Variants in NDRG1 observed in about 807,000 individuals in gnomAD.
NDRG1 encodes N-myc downstream regulated 1.
NDRG1 carries 32 observed loss-of-function variants against 56.9 expected under a neutral mutation model. That is an observed-to-expected ratio of 0.56 (90% confidence interval 0.42 to 0.76). The LOEUF is 0.76. Among genes scored for constraint, NDRG1 ranks in the 30% least tolerant of loss-of-function variants. The probability of loss-of-function intolerance (pLI) is 0.00; values close to 1 mark genes in which losing one functional copy is unlikely to be tolerated. For missense variants in NDRG1, 507 were observed against 545.7 expected (o/e 0.93, Z 0.71); for synonymous variants, 211 against 204.1 (o/e 1.03, Z -0.29).
intron 1 of NDRG1, among the ~76,000 whole-genome samples, chr8:133,290,177 C>T (rs1858352775): frequency 6.6e-6 from 1 of 152,188 alleles, no homozygotes; most frequent in African/African-American, 2.4e-5. Flanking sequence ...CTTGAGCAAA[C>T]TCTCCTGGGC....
intron 1 of NDRG1, among the ~76,000 whole-genome samples, chr8:133,291,944 A>G (rs1858453040): frequency 6.6e-6 from 1 of 152,178 alleles, no homozygotes; most frequent in Non-Finnish European, 1.5e-5. Flanking sequence ...TGTCCCAAAC[A>G]CAACAGCAGG....
chr8:133,254,550 G>C lies in NDRG1; in HGVS notation c.583C>G (p.Leu195Val). ...ACCACGCAACTCACCTTCCCAAAAAGGTGGGACACCACCATGTCCGGCAGA... is the reference window on the plus strand; with the variant it reads ...ACCACGCAACTCACCTTCCCAAAAACGTGGGACACCACCATGTCCGGCAGA... ...QALPDMVVSH[L>V]FGKEEMQSNV... The change falls in exon 9 of 16, where the codon CTT becomes GTT. Residue 195 changes from leucine (L) to valine (V), a missense_variant. Leu to Val is a conservative substitution (Grantham distance 32, BLOSUM62 1). Coordinates refer to ENST00000323851, the MANE Select transcript of NDRG1 (RefSeq NM_006096.4). 6.2e-7 allele frequency: 1 copy of C among 1,614,084 alleles called. No homozygotes were observed. Among genetic ancestry groups the C allele is most frequent in the Non-Finnish European group, 8.5e-7 (1 of 1,179,968 alleles).
chr8:133,239,071 C>T lies in NDRG1; in HGVS notation c.992G>A (p.Gly331Asp). 1.9e-6 allele frequency: 3 copies of T among 1,583,604 alleles called. No individual in the cohort carries two copies. Among genetic ancestry groups the T allele is most frequent in the Non-Finnish European group, 1.7e-6 (2 of 1,165,762 alleles). Residue 331 changes from glycine (G) to aspartate (D), a missense_variant, in exon 16 of 16, where the codon GGT becomes GAT. Physicochemically the swap from Gly to Asp is moderately conservative, Grantham distance 94 (BLOSUM62 -1). Coordinates refer to ENST00000323851, the MANE Select transcript of NDRG1 (RefSeq NM_006096.4). The stretch of plus-strand genomic sequence containing the variant: ...GCCATCCAGAGAAGTGACGCTGGAA[C>T]CAGAGGCTGTGCGGGACCGCATCAG... ...TRLMRSRTAS[G>D]SSVTSLDGTR...
chr8:133,271,598 CATA>C (rs2130764352), intron 3 of NDRG1, among the ~76,000 whole-genome samples: 1 of 151,896 alleles, frequency 6.6e-6, no homozygotes, highest in South Asian at 2.1e-4. Context: ...GCATCTGCAA[CATA>C]ATGAGACCTC....
chr8:133,284,042 G>T (rs1857960546), intron 2 of NDRG1, among the ~76,000 whole-genome samples: 1 of 152,252 alleles, frequency 6.6e-6, no homozygotes, highest in Non-Finnish European at 1.5e-5. Flanking sequence ...GGAAGCAGTG[G>T]ACAAATGTGT....
At chr8:133,244,667 G>A (rs1855570368) in intron 13 of NDRG1, 1 of 567,490 alleles carries the variant, frequency 1.8e-6, no homozygotes, top group African/African-American at 1.9e-5. Flanking sequence ...CAAGAACCAT[G>A]GAAGGTACAG....
Position 133,285,341 on chromosome 8 carries a change from A to T in NDRG1, c.-18-1012T>A, listed in dbSNP as rs554733569. On this transcript the variant is annotated intron_variant, in intron 1 of 15. Transcript: ENST00000323851. Reference sequence around the variant, plus strand: ...CAGCAGCAGAGGACCGGCGGAGAAGAAGTAAGTGACAAGAGGGAAGAGCCC... The same window carrying T: ...CAGCAGCAGAGGACCGGCGGAGAAGTAGTAAGTGACAAGAGGGAAGAGCCC... 3.3e-5 allele frequency among the ~76,000 whole-genome samples: 5 copies of T among 152,258 alleles called. No homozygotes were observed. The South Asian group carries it at 6.2e-4, about 19-fold the overall frequency.
rs138992866 is a variant in NDRG1, at chr8:133,261,455, T to C, written c.326+592A>G. ...CTCAGCTGTGCAACCTTCAGCAAGG[T>C]AGTTAATGCCTCCATGCCTCAATAT... is the stretch of plus-strand genomic sequence containing the variant. On this transcript the variant is annotated intron_variant, in intron 5 of 15. Transcript: ENST00000323851. Among the ~76,000 whole-genome samples the C allele has an allele frequency of 2.6e-3, 391 of 152,210 alleles. 3 individuals are homozygous for C. The highest frequency in any genetic ancestry group is 9.2e-3 in the African/African-American group (383 of 41,554).
intron 2 of NDRG1, among the ~76,000 whole-genome samples, chr8:133,280,578 C>A (rs776215950): frequency 2.7e-4 from 41 of 152,166 alleles, no homozygotes; most frequent in African/African-American, 9.6e-4. Context: ...TGCCCGCCAC[C>A]ACGCCCAGTT....
rs1237334932 is a variant in NDRG1 at position 133,250,303 on chromosome 8, C to G, written c.698+137G>C. 1.2e-5 allele frequency: 10 copies of G among 827,300 alleles called. No individual in the cohort carries two copies. In the Admixed American group the frequency reaches 1.8e-4, roughly 15 times the overall value. The allele number at this position is 827,300 out of a possible 1,614,324, so 51.2% of individuals were successfully genotyped here. On this transcript the variant is annotated intron_variant, in intron 10 of 15. Coordinates refer to ENST00000323851, the MANE Select transcript of NDRG1 (RefSeq NM_006096.4). ...GGTGTCCTTCCTGGGGACACCTGTC[C>G]TATTAATCTATTTGCTCAAACTCAG...
intron 12 of NDRG1, among the ~76,000 whole-genome samples, chr8:133,247,013 G>T (rs745567643): frequency 2.0e-5 from 3 of 152,206 alleles, no homozygotes; most frequent in African/African-American, 7.2e-5. Flanking sequence ...ACCAGCAGCT[G>T]CCAGAGATTC....
intron 1 of NDRG1, 111 bp from the exon 2 acceptor site, chr8:133,284,440 C>T: frequency 1.1e-6 from 1 of 901,916 alleles, no homozygotes; most frequent in Non-Finnish European, 1.8e-6. Context: ...TGCCCAGCAG[C>T]TTCACCTCCC....
chr8:133,262,314 G>GT (rs1856701616), intron 4 of NDRG1, 147 bp from the exon 5 acceptor site: 1 of 1,061,830 alleles, frequency 9.4e-7, no homozygotes, highest in Non-Finnish European at 1.4e-6. Flanking sequence ...GGCGTTTTTT[G>GT]TTTTTTGGTT....
At chr8:133,241,983 C>G in intron 15 of NDRG1, 40 bp downstream of exon 15, 1 of 1,612,642 alleles carries the variant, frequency 6.2e-7, no homozygotes, top group Non-Finnish European at 8.5e-7. Flanking sequence ...AATTCCGACA[C>G]ATGCCCCGAC....
chr8:133,246,525 T>C, intron 13 of NDRG1, 91 bp downstream of exon 13: 1 of 1,293,494 alleles, frequency 7.7e-7, no homozygotes, highest in Non-Finnish European at 1.1e-6. Context: ...ATCGTGTGCC[T>C]TGCCTTTTTC....
chr8:133,253,094 GT>G (rs1856163424), intron 9 of NDRG1, among the ~76,000 whole-genome samples: 1 of 152,228 alleles, frequency 6.6e-6, no homozygotes, highest in Admixed American at 6.5e-5. Context: ...CAACCAAGGG[GT>G]TTTCCAGACC....
chr8:133,249,435 T>TG (rs1210997092), intron 10 of NDRG1: 1 of 159,656 alleles, frequency 6.3e-6, no homozygotes, highest in Non-Finnish European at 1.4e-5. Context: ...TCTAGCTGTG[T>TG]GGCCTTGGGG....
At chr8:133,241,659 T>C (rs543939440) in intron 15 of NDRG1, 46 of 365,374 alleles carry the variant, frequency 1.3e-4, no homozygotes, top group South Asian at 1.2e-3. Context: ...ATCGACACCA[T>C]CTTCATCATC....
chr8:133,266,143 G>A (rs1856907120), intron 3 of NDRG1, among the ~76,000 whole-genome samples: 1 of 152,244 alleles, frequency 6.6e-6, no homozygotes, highest in Non-Finnish European at 1.5e-5. Flanking sequence ...GTATCCCAGA[G>A]TCACACGGGC....
Sources: gnomAD v4.1 joint callset for allele counts (sites outside exome capture counted in the v4.1 genomes callset) on GRCh38, gnomAD v4.1.1 for gene constraint, MANE v1.5 for transcripts, NCBI Gene and HGNC (gene_info 2026-07-23, HGNC 2026-07-21) for gene names.